Variants in LSAMP observed in about 807,000 individuals in gnomAD.
LSAMP encodes the protein limbic system-associated membrane protein.
In LSAMP, 7 loss-of-function variants were observed where a neutral mutation model predicts 38.6. The observed-to-expected ratio is 0.18, with a 90% CI of 0.10 to 0.34. The LOEUF (loss-of-function observed/expected upper bound fraction) is 0.34, where lower values mean the gene tolerates loss of function less well. LSAMP is among the 10% of genes least tolerant of loss of function. The pLI is 1.00. For synonymous variants in LSAMP, 154 were observed against 166.8 expected (o/e 0.92, Z 0.59); for missense variants, 313 against 420.0 (o/e 0.75, Z 2.23).
intron 1 of LSAMP, among the ~76,000 whole-genome samples, chr3:116,203,773 G>A (rs1460461004): frequency 2.6e-5 from 4 of 151,862 alleles, no homozygotes; most frequent in Non-Finnish European, 4.4e-5. Context: ...GTGTATATGT[G>A]CCACATTTTC....
chr3:115,991,778 A>G (rs1345722926), intron 3 of LSAMP, among the ~76,000 whole-genome samples: 8 of 151,636 alleles, frequency 5.3e-5, no homozygotes. Context: ...AAAGACAGGC[A>G]GGCTGTTACT....
At chr3:116,266,365 T>C (rs2046891756) in intron 1 of LSAMP, among the ~76,000 whole-genome samples, 1 of 152,156 alleles carries the variant, frequency 6.6e-6, no homozygotes, top group Non-Finnish European at 1.5e-5. Flanking sequence ...GAGATGGGAA[T>C]TTATTATGCT....
chr3:115,868,437 A>G (rs1316747034), intron 3 of LSAMP, among the ~76,000 whole-genome samples: 1 of 152,142 alleles, frequency 6.6e-6, no homozygotes, highest in East Asian at 1.9e-4. Flanking sequence ...GGAATATTAT[A>G]AAGCAACTTA....
At chr3:116,216,360 AG>A (rs1259627406) in intron 1 of LSAMP, among the ~76,000 whole-genome samples, 2 of 152,146 alleles carry the variant, frequency 1.3e-5, no homozygotes, top group African/African-American at 4.8e-5. Flanking sequence ...ATGCTACCCT[AG>A]GTATGCTCTG....
chr3:116,301,711 G>C (rs1576493506), intron 1 of LSAMP, among the ~76,000 whole-genome samples: 1 of 152,136 alleles, frequency 6.6e-6, no homozygotes, highest in South Asian at 2.1e-4. Context: ...CAAACCATGG[G>C]AAATTAAGGC....
At chr3:116,076,615 T>C (rs1424915944) in intron 2 of LSAMP, among the ~76,000 whole-genome samples, 1 of 152,208 alleles carries the variant, frequency 6.6e-6, no homozygotes, top group African/African-American at 2.4e-5. Context: ...ATTAATTTGA[T>C]AAATTTGGTG....
chr3:116,293,878 T>C (rs2047297750), intron 1 of LSAMP, among the ~76,000 whole-genome samples: 1 of 152,030 alleles, frequency 6.6e-6, no homozygotes, highest in Admixed American at 6.6e-5. Context: ...CACTAAAAAA[T>C]GTACTCTTTT....
intron 1 of LSAMP, among the ~76,000 whole-genome samples, chr3:116,359,524 T>A (rs1174793340): frequency 6.6e-6 from 1 of 152,214 alleles, no homozygotes; most frequent in Non-Finnish European, 1.5e-5. Context: ...GAAACTTGAC[T>A]CATATTACCC....
intron 3 of LSAMP, among the ~76,000 whole-genome samples, chr3:115,940,809 C>T (rs546138665): frequency 6.6e-6 from 1 of 152,206 alleles, no homozygotes; most frequent in African/African-American, 2.4e-5. Context: ...GATTAATATA[C>T]CTTTGTAATA....
chr3:116,293,381 T>TTTTA (rs140087886), intron 1 of LSAMP, among the ~76,000 whole-genome samples: 3,357 of 152,300 alleles, frequency 0.022, 122 homozygotes, highest in African/African-American at 0.076. Flanking sequence ...AATAATAATG[T>TTTTA]TTTATTTTCT....
At chr3:116,411,794 A>G (rs2048982665) in intron 1 of LSAMP, among the ~76,000 whole-genome samples, 1 of 151,828 alleles carries the variant, frequency 6.6e-6, no homozygotes, top group Non-Finnish European at 1.5e-5. Flanking sequence ...AAAGAAGAAA[A>G]AAAAAAAGAG....
At chr3:116,146,073 G>T (rs187986591) in intron 1 of LSAMP, among the ~76,000 whole-genome samples, 11 of 151,950 alleles carry the variant, frequency 7.2e-5, no homozygotes, top group Admixed American at 6.6e-4. Context: ...GGCCTGGCTA[G>T]GTGGCAAACT....
intron 3 of LSAMP, among the ~76,000 whole-genome samples, chr3:115,898,057 A>G (rs1936773410): frequency 6.6e-6 from 1 of 152,118 alleles, no homozygotes; most frequent in South Asian, 2.1e-4. Context: ...GGGCTAGGAT[A>G]AGCTCAAGAA....
intron 1 of LSAMP, among the ~76,000 whole-genome samples, chr3:116,393,533 C>T (rs1208226920): frequency 6.6e-6 from 1 of 152,136 alleles, no homozygotes; most frequent in Non-Finnish European, 1.5e-5. Context: ...GGTGTGGGAC[C>T]CAGGCTGGTA....
intron 3 of LSAMP, among the ~76,000 whole-genome samples, chr3:115,923,795 C>G (rs1215602032): frequency 6.6e-6 from 1 of 152,122 alleles, no homozygotes; most frequent in Non-Finnish European, 1.5e-5. Context: ...TGAATTTCAC[C>G]TGCATTGTGA....
intron 1 of LSAMP, among the ~76,000 whole-genome samples, chr3:116,146,427 G>C (rs139127594): frequency 6.6e-6 from 1 of 152,010 alleles, no homozygotes; most frequent in Non-Finnish European, 1.5e-5. Flanking sequence ...ACATGGCTTA[G>C]CAGCTGCTAT....
intron 3 of LSAMP, among the ~76,000 whole-genome samples, chr3:115,901,212 G>A (rs754291666): frequency 6.6e-6 from 1 of 151,906 alleles, no homozygotes; most frequent in African/African-American, 2.4e-5. Context: ...GTCAGTTATG[G>A]CAGCCAAGAG....
intron 1 of LSAMP, among the ~76,000 whole-genome samples, chr3:116,235,988 G>T (rs536817049): frequency 2.0e-5 from 3 of 152,188 alleles, no homozygotes; most frequent in Admixed American, 6.5e-5. Context: ...TACAGGTGCG[G>T]AATAAATTTA....
chr3:116,268,711 A>AAAAATTTTACTCTTAT (rs2046928557), intron 1 of LSAMP, among the ~76,000 whole-genome samples: 1 of 135,830 alleles, frequency 7.4e-6, no homozygotes, highest in African/African-American at 3.1e-5. Flanking sequence ...TTCTTTCTTT[A>AAAAATTTTACTCTTAT]AAAATTTTAC....
Sources: allele counts gnomAD v4.1 joint callset (sites outside exome capture counted in the v4.1 genomes callset), GRCh38; gene constraint gnomAD v4.1.1; transcripts MANE v1.5; gene names NCBI Gene and HGNC (gene_info 2026-07-23, HGNC 2026-07-21).